PTPN4: variants seen among roughly 807,000 people sequenced by gnomAD.
The protein encoded by PTPN4 is tyrosine-protein phosphatase non-receptor type 4.
In PTPN4, 49 loss-of-function variants were observed where a neutral mutation model predicts 135.5. The observed-to-expected ratio is 0.36, with a 90% CI of 0.29 to 0.46. PTPN4 has a LOEUF of 0.46. Ranked by LOEUF, PTPN4 falls within the 20% of genes least tolerant of loss-of-function variation. The probability of loss-of-function intolerance (pLI) is 1.00; values close to 1 mark genes in which losing one functional copy is unlikely to be tolerated. For synonymous variants in PTPN4, 333 were observed against 369.9 expected (o/e 0.90, Z 1.14); for missense variants, 860 against 1,101.0 (o/e 0.78, Z 3.10).
chr2:119,965,205 C>T (rs1282338509), intron 24 of PTPN4, among the ~76,000 whole-genome samples: 1 of 152,124 alleles, frequency 6.6e-6, no homozygotes, highest in Non-Finnish European at 1.5e-5. Flanking sequence ...AAAAGAATGT[C>T]TCAAAGGGGA....
intron 1 of PTPN4, among the ~76,000 whole-genome samples, chr2:119,801,480 C>T (rs372102731): frequency 4.6e-5 from 7 of 152,110 alleles, no homozygotes; most frequent in African/African-American, 1.7e-4. Flanking sequence ...AACCTGTATG[C>T]CTATTTGGAG....
chr2:119,900,132 T>C (rs1375224304), intron 9 of PTPN4, among the ~76,000 whole-genome samples: 1 of 152,134 alleles, frequency 6.6e-6, no homozygotes, highest in African/African-American at 2.4e-5. Context: ...GTTTGAAAAC[T>C]CTCACTCATT....
At chr2:119,846,737 A>G (rs920170005) in intron 2 of PTPN4, among the ~76,000 whole-genome samples, 3 of 151,654 alleles carry the variant, frequency 2.0e-5, no homozygotes, top group Non-Finnish European at 2.9e-5. Context: ...TAACATTTCA[A>G]TTCCTTTAAT....
intron 8 of PTPN4, 73 bp from the exon 9 acceptor site, chr2:119,885,722 C>A: frequency 1.9e-6 from 2 of 1,069,194 alleles, no homozygotes; most frequent in Non-Finnish European, 2.7e-6. Flanking sequence ...AGATAAATAG[C>A]CTTTTTCTAA....
At chr2:119,760,733 CTTTTTTTTT>C (rs59953430) in intron 1 of PTPN4, among the ~76,000 whole-genome samples, 23 of 79,922 alleles carry the variant, frequency 2.9e-4, no homozygotes, top group African/African-American at 8.1e-4. Context: ...GGTAGAATTC[CTTTTTTTTT>C]TTTTTTTTTT....
intron 2 of PTPN4, among the ~76,000 whole-genome samples, chr2:119,855,990 G>A (rs1004839929): frequency 1.3e-5 from 2 of 151,834 alleles, no homozygotes; most frequent in East Asian, 1.9e-4. Context: ...ATTTTTAGTG[G>A]AGACGGGGTT....
intron 1 of PTPN4, among the ~76,000 whole-genome samples, chr2:119,805,151 A>G (rs1574343227): frequency 1.3e-5 from 2 of 151,864 alleles, no homozygotes; most frequent in African/African-American, 2.4e-5. Context: ...TTTTCTTATA[A>G]ATTTGTTTAA....
At chr2:119,867,293 T>G (rs1006642519) in intron 3 of PTPN4, among the ~76,000 whole-genome samples, 3 of 152,048 alleles carry the variant, frequency 2.0e-5, no homozygotes, top group Admixed American at 1.3e-4. Flanking sequence ...AGTTGGGAGA[T>G]TGTTGGAATA....
chr2:119,941,293 G>A (rs1679058595), intron 15 of PTPN4, among the ~76,000 whole-genome samples: 1 of 152,124 alleles, frequency 6.6e-6, no homozygotes, highest in South Asian at 2.1e-4. Flanking sequence ...ATTCATTAAA[G>A]TAAATTGAAT....
rs1340344265 is a variant in PTPN4 at position 119,766,784 on chromosome 2, A to G, written c.-18+6400A>G. ...GATGATAGGAACCAGAAATAGGGCA[A>G]TATAGATATGAGATTAGAACTGAAA... On this transcript the variant is annotated intron_variant, in intron 1 of 26. Transcript: ENST00000263708. 3.3e-5 allele frequency among the ~76,000 whole-genome samples: 5 copies of G among 152,148 alleles called. No homozygotes were observed. The East Asian group carries it at 9.6e-4, about 29-fold the overall frequency.
At chr2:119,782,904 C>T (rs1690970239) in intron 1 of PTPN4, among the ~76,000 whole-genome samples, 1 of 151,386 alleles carries the variant, frequency 6.6e-6, no homozygotes, top group Non-Finnish European at 1.5e-5. Flanking sequence ...GACAGGATCT[C>T]CCTATGTTCC....
In PTPN4 at chr2:119,793,940, C is replaced by T. The variant is rs186049366; in HGVS notation, c.-17-15897C>T. Among the ~76,000 whole-genome samples the T allele has an allele frequency of 3.3e-3, 431 of 130,458 alleles. 1 individual carries two copies. Among genetic ancestry groups the T allele is most frequent in the Middle Eastern group, 0.01 (2 of 200 alleles). The allele number at this position is 130,458 out of a possible 152,430, so 85.6% of individuals were successfully genotyped here. On this transcript the variant is annotated intron_variant, in intron 1 of 26. Transcript: ENST00000263708. ...GCTTAATCATAGCTCACAGCAGCCT[C>T]GAACTCCTGGGTTCAAGTGATCCTC...
chr2:119,862,506 A>C (rs762850622), intron 2 of PTPN4, 30 bp from the exon 3 acceptor site: 18 of 1,536,926 alleles, frequency 1.2e-5, no homozygotes, highest in Non-Finnish European at 1.5e-5. Context: ...ATCAAAGTTG[A>C]TTTCATTCAA....
chr2:119,775,156 A>T (rs1160716864), intron 1 of PTPN4, among the ~76,000 whole-genome samples: 3 of 146,860 alleles, frequency 2.0e-5, no homozygotes, highest in Non-Finnish European at 3.0e-5. Flanking sequence ...GTAAGAGAGA[A>T]GTGAGCATCA....
intron 25 of PTPN4, 46 bp downstream of exon 25, chr2:119,965,691 G>A (rs746090008): frequency 1.0e-5 from 16 of 1,554,478 alleles, no homozygotes; most frequent in African/African-American, 6.9e-5. Context: ...GAACAGATAC[G>A]TCATTTTTAA....
intron 10 of PTPN4, among the ~76,000 whole-genome samples, chr2:119,905,511 A>G (rs1397641901): frequency 1.3e-5 from 2 of 152,234 alleles, no homozygotes; most frequent in Admixed American, 6.5e-5. Context: ...ACAGACTCCA[A>G]TACAATAGTA....
In PTPN4 at chr2:119,779,566, G is replaced by A. The variant is rs868217558; in HGVS notation, c.-18+19182G>A. Among the ~76,000 whole-genome samples, 118 of 150,030 alleles carry A rather than the reference G, an allele frequency of 7.9e-4. 1 individual carries two copies. The highest frequency in any genetic ancestry group is 2.8e-3 in the African/African-American group (114 of 40,732). ...CGGGAGGCGGAGCTTGCAGTGAGCC[G>A]AGATTGTGCCACTGCACTCCAGCCT... On this transcript the variant is annotated intron_variant, in intron 1 of 26. Transcript: ENST00000263708.
rs186171461 is a variant in PTPN4, at chr2:119,968,500, T to C, written c.2694+528T>C. On this transcript the variant is annotated intron_variant, in intron 26 of 26. Transcript: ENST00000263708. Reference sequence around the variant, plus strand: ...TTTCTTTTTACATAAAAACTTGCATTGCAGCGGCCGGGCGCGGTAGGTAGC... The same window carrying C: ...TTTCTTTTTACATAAAAACTTGCATCGCAGCGGCCGGGCGCGGTAGGTAGC... 1.9e-4 allele frequency among the ~76,000 whole-genome samples: 29 copies of C among 152,192 alleles called. No individual in the cohort carries two copies. The East Asian group carries it at 5.6e-3, about 29-fold the overall frequency.
intron 2 of PTPN4, among the ~76,000 whole-genome samples, chr2:119,817,484 CATT>C (rs1323163292): frequency 5.9e-5 from 9 of 151,992 alleles, no homozygotes; most frequent in Admixed American, 5.9e-4. Context: ...AGGTGTGTAG[CATT>C]ATTTCTGGGC....
Sources: allele counts gnomAD v4.1 joint callset (sites outside exome capture counted in the v4.1 genomes callset), GRCh38; gene constraint gnomAD v4.1.1; transcripts MANE v1.5; gene names NCBI Gene and HGNC (gene_info 2026-07-23, HGNC 2026-07-21).